Variants in ERBB4 observed in about 807,000 individuals in gnomAD.
ERBB4 encodes receptor tyrosine-protein kinase erbB-4.
ERBB4 carries 42 observed loss-of-function variants against 158.0 expected under a neutral mutation model. The ratio of observed to expected loss-of-function variants is 0.27; its 90% confidence interval spans 0.21 to 0.34. ERBB4 has a LOEUF of 0.34. Among genes scored for constraint, ERBB4 ranks in the 10% least tolerant of loss-of-function variants. The pLI, the probability that ERBB4 is intolerant of heterozygous loss-of-function variation, is 1.00. For missense variants in ERBB4, 1,333 were observed against 1,624.1 expected, an observed-to-expected ratio of 0.82 and a Z score of 3.08; for synonymous variants, 583 against 558.7, an observed-to-expected ratio of 1.04 and a Z score of -0.61.
Position 211,861,103 on chromosome 2 carries a change from ATATATATTTATATATATATTT to A in ERBB4, c.422-72965_422-72945del, listed in dbSNP as rs2078021527. Among the ~76,000 whole-genome samples the A allele has an allele frequency of 6.1e-5, 3 of 48,844 alleles. No individual in the cohort carries two copies. In the Admixed American group the frequency reaches 9.8e-4, roughly 16 times the overall value. The allele number at this position is 48,844 out of a possible 152,430, so 32.0% of individuals were successfully genotyped here. Reference sequence around the variant, plus strand: ...ATATTATAAAATATATAAATACATTATATATATTTATATATATATTTTATATATATATATATATATATATAT... The same window carrying A: ...ATATTATAAAATATATAAATACATTATATATATATATATATATATATATAT... On this transcript the variant is annotated intron_variant, in intron 3 of 27. Transcript: ENST00000342788.
chr2:211,497,056 G>T lies in ERBB4; in HGVS notation c.2487+64847C>A, dbSNP rs374209325. On this transcript the variant is annotated intron_variant, in intron 20 of 27. Coordinates refer to ENST00000342788, the MANE Select transcript of ERBB4 (RefSeq NM_005235.3). ...GTCCCTAGCACCTAGAATAGTCCTGGTATAGTAGGCACTTAATAAATATTT... is the reference window on the plus strand; with the variant it reads ...GTCCCTAGCACCTAGAATAGTCCTGTTATAGTAGGCACTTAATAAATATTT... Among the ~76,000 whole-genome samples, 25 of 152,142 alleles carry T rather than the reference G, an allele frequency of 1.6e-4. 1 individual carries two copies. In the East Asian group the frequency reaches 4.6e-3, roughly 28 times the overall value.
chr2:211,886,396 G>T (rs1450485281), intron 3 of ERBB4, among the ~76,000 whole-genome samples: 1 of 152,008 alleles, frequency 6.6e-6, no homozygotes, highest in African/African-American at 2.4e-5. Context: ...ATAATGCATG[G>T]TACATGGAAG....
At chr2:212,053,699 G>A (rs538524237) in intron 2 of ERBB4, among the ~76,000 whole-genome samples, 1 of 152,224 alleles carries the variant, frequency 6.6e-6, no homozygotes, top group East Asian at 1.9e-4. Context: ...CTTATGTCTT[G>A]CATTCTTTGT....
intron 3 of ERBB4, among the ~76,000 whole-genome samples, chr2:211,913,580 G>A (rs963357492): frequency 1.1e-4 from 17 of 151,546 alleles, no homozygotes; most frequent in Non-Finnish European, 2.2e-4. Context: ...CAGCCTGGGC[G>A]ACAGAGCAAG....
intron 1 of ERBB4, among the ~76,000 whole-genome samples, chr2:212,304,688 A>C (rs1188249131): frequency 6.6e-6 from 1 of 151,516 alleles, no homozygotes; most frequent in Non-Finnish European, 1.5e-5. Flanking sequence ...CACAAAATTC[A>C]CATGGCCATT....
intron 26 of ERBB4, among the ~76,000 whole-genome samples, chr2:211,387,719 T>A (rs1380287676): frequency 2.0e-5 from 3 of 152,134 alleles, no homozygotes; most frequent in Non-Finnish European, 4.4e-5. Flanking sequence ...CCCAGGTAAA[T>A]CCTTCAGATA....
intron 1 of ERBB4, among the ~76,000 whole-genome samples, chr2:212,525,378 T>C (rs180929848): frequency 6.6e-6 from 1 of 152,106 alleles, no homozygotes; most frequent in Admixed American, 6.6e-5. Flanking sequence ...TGAAAAAAAT[T>C]AACCTTGAAA....
In ERBB4 at chr2:212,062,399, C is replaced by CT. The variant is rs199535512; in HGVS notation, c.234+62352dup. Among the ~76,000 whole-genome samples the CT allele has an allele frequency of 1.1e-4, 9 of 81,352 alleles. 2 individuals are homozygous for CT. The highest frequency in any genetic ancestry group is 1.2e-4 in the Non-Finnish European group (5 of 40,498). The allele number at this position is 81,352 out of a possible 152,430, so 53.4% of individuals were successfully genotyped here. On this transcript the variant is annotated intron_variant, in intron 2 of 27. Coordinates refer to ENST00000342788, the MANE Select transcript of ERBB4 (RefSeq NM_005235.3). ...CTACTACTCTTCTCACTTGTCAATT[C>CT]TTTTTTTTTTTTTTTTTTTTTTTTT...
intron 4 of ERBB4, among the ~76,000 whole-genome samples, chr2:211,753,533 A>G (rs2075197989): frequency 6.6e-6 from 1 of 151,974 alleles, no homozygotes; most frequent in Non-Finnish European, 1.5e-5. Flanking sequence ...CAGTAAATCT[A>G]AATTTTTAAC....
chr2:211,954,121 T>C (rs1010877848), intron 2 of ERBB4, among the ~76,000 whole-genome samples: 1 of 152,046 alleles, frequency 6.6e-6, no homozygotes, highest in Non-Finnish European at 1.5e-5. Flanking sequence ...GTATTTGATA[T>C]AAATCCCTAA....
chr2:211,752,491 G>GAA (rs369728330), intron 4 of ERBB4, among the ~76,000 whole-genome samples: 63 of 119,478 alleles, frequency 5.3e-4, no homozygotes, highest in Admixed American at 1.0e-3. Context: ...TACCTAACTG[G>GAA]AAAAAAAAAA....
chr2:211,790,099 C>T (rs191144311), intron 3 of ERBB4, among the ~76,000 whole-genome samples: 7 of 151,926 alleles, frequency 4.6e-5, no homozygotes, highest in Admixed American at 2.0e-4. Context: ...AGACGTAAGA[C>T]GTAAGAAAGA....
rs117741507 is a variant in ERBB4 at position 211,841,480 on chromosome 2, C to T, written c.422-53321G>A. On this transcript the variant is annotated intron_variant, in intron 3 of 27. Transcript: ENST00000342788. Reference sequence around the variant, plus strand: ...GACACATTGTATTGTTACTTTAGGCCACACCTTTTGAAATATTAAAGTTAG... The same window carrying T: ...GACACATTGTATTGTTACTTTAGGCTACACCTTTTGAAATATTAAAGTTAG... 6.8e-4 allele frequency among the ~76,000 whole-genome samples: 103 copies of T among 151,856 alleles called. 1 individual carries two copies. In the East Asian group the frequency reaches 0.018, roughly 27 times the overall value.
chr2:211,983,222 G>T (rs986987960), intron 2 of ERBB4, among the ~76,000 whole-genome samples: 2 of 152,158 alleles, frequency 1.3e-5, no homozygotes, highest in Non-Finnish European at 2.9e-5. Context: ...CAGTGGCATG[G>T]ATGGAGGCAG....
intron 1 of ERBB4, among the ~76,000 whole-genome samples, chr2:212,326,018 G>A (rs972735840): frequency 1.3e-5 from 2 of 150,468 alleles, no homozygotes; most frequent in Non-Finnish European, 3.0e-5. Flanking sequence ...AAGCCCTTAA[G>A]TACAGAGCTG....
Position 211,486,687 on chromosome 2 carries a change from G to C in ERBB4, c.2488-55587C>G, listed in dbSNP as rs375073608. 2.6e-5 allele frequency among the ~76,000 whole-genome samples: 4 copies of C among 152,046 alleles called. No individual in the cohort carries two copies. The South Asian group carries it at 8.3e-4, about 32-fold the overall frequency. On this transcript the variant is annotated intron_variant, in intron 20 of 27. Coordinates refer to ENST00000342788, the MANE Select transcript of ERBB4 (RefSeq NM_005235.3). ...TAACCATCCATGACCCTGTGCAAGC[G>C]ACACTCTCTCTCCAAGCCTCAATCT...
intron 1 of ERBB4, among the ~76,000 whole-genome samples, chr2:212,212,815 A>G (rs10174002): frequency 0.56 from 84,472 of 151,890 alleles, 23,708 homozygotes; most frequent in East Asian, 0.77. Context: ...CAAGCAATGG[A>G]AAAAGCATCT....
chr2:211,589,630 T>C (rs1031358727), intron 19 of ERBB4, among the ~76,000 whole-genome samples: 3 of 152,176 alleles, frequency 2.0e-5, no homozygotes, highest in Admixed American at 6.5e-5. Flanking sequence ...ATTGATAATA[T>C]AGAATAACTT....
chr2:212,344,343 G>T (rs1185351787), intron 1 of ERBB4, among the ~76,000 whole-genome samples: 1 of 152,018 alleles, frequency 6.6e-6, no homozygotes, highest in African/African-American at 2.4e-5. Context: ...CCTCTACCCA[G>T]TTGCGACAAC....
Sources: gnomAD v4.1 joint callset for allele counts (sites outside exome capture counted in the v4.1 genomes callset) on GRCh38, gnomAD v4.1.1 for gene constraint, MANE v1.5 for transcripts, NCBI Gene and HGNC (gene_info 2026-07-23, HGNC 2026-07-21) for gene names.